FBXL2: variants seen among roughly 807,000 people sequenced by gnomAD.
The protein encoded by FBXL2 is F-box and leucine rich repeat protein 2.
A neutral mutation model predicts 69.2 loss-of-function variants in FBXL2; 38 were observed. That is an observed-to-expected ratio of 0.55 (90% CI 0.42 to 0.72). The LOEUF is 0.72. Ranked by LOEUF, FBXL2 falls within the 30% of genes least tolerant of loss-of-function variation. FBXL2 has a pLI of 0.00. For synonymous variants in FBXL2, 192 were observed against 201.3 expected, an observed-to-expected ratio of 0.95 and a Z score of 0.39; for missense variants, 354 against 520.3, an observed-to-expected ratio of 0.68 and a Z score of 3.11.
chr3:33,300,920 G>A (rs1258313815), intron 2 of FBXL2, among the ~76,000 whole-genome samples: 1 of 151,442 alleles, frequency 6.6e-6, no homozygotes, highest in African/African-American at 2.4e-5. Flanking sequence ...TTTCACCGTG[G>A]TCTCGATCTC....
chr3:33,328,259 CA>C (rs1472897908), intron 2 of FBXL2, among the ~76,000 whole-genome samples: 4 of 152,104 alleles, frequency 2.6e-5, no homozygotes, highest in African/African-American at 9.6e-5. Flanking sequence ...TTAATATTGT[CA>C]AAATGAATAC....
chr3:33,301,954 A>G lies in FBXL2; in HGVS notation c.65+4229A>G, dbSNP rs74557646. ...TAACTCTCTGGGCCTTAATTTGCCCATCTATAAAATGGGAATAGTAATAGT... is the reference window on the plus strand; with the variant it reads ...TAACTCTCTGGGCCTTAATTTGCCCGTCTATAAAATGGGAATAGTAATAGT... On this transcript the variant is annotated intron_variant, in intron 2 of 14. Coordinates refer to ENST00000484457, the MANE Select transcript of FBXL2 (RefSeq NM_012157.5). 1.9e-3 allele frequency among the ~76,000 whole-genome samples: 282 copies of G among 152,300 alleles called. 1 individual carries two copies. The highest frequency in any genetic ancestry group is 6.4e-3 in the African/African-American group (268 of 41,566).
intron 12 of FBXL2, chr3:33,397,248 A>G: frequency 1.5e-6 from 1 of 677,022 alleles, no homozygotes; most frequent in Non-Finnish European, 2.4e-6. Flanking sequence ...GATATCCTGA[A>G]TACACACATA....
At chr3:33,371,780 G>C (rs2042322335) in intron 5 of FBXL2, among the ~76,000 whole-genome samples, 1 of 152,028 alleles carries the variant, frequency 6.6e-6, no homozygotes, top group Non-Finnish European at 1.5e-5. Flanking sequence ...TTTTGTTCTG[G>C]GATACAGTTG....
At chr3:33,285,762 C>G (rs894546554) in intron 1 of FBXL2, among the ~76,000 whole-genome samples, 8 of 152,136 alleles carry the variant, frequency 5.3e-5, no homozygotes, top group African/African-American at 1.9e-4. Flanking sequence ...CTCTAAACTT[C>G]TGTTCTCACT....
chr3:33,338,547 G>A (rs1005956856), intron 2 of FBXL2, among the ~76,000 whole-genome samples: 3 of 152,026 alleles, frequency 2.0e-5, no homozygotes, highest in South Asian at 2.1e-4. Flanking sequence ...CTACAATAAC[G>A]AAAACAGCAT....
At chr3:33,391,562 A>G (rs767928330), downstream of FBXL2, 1 of 152,198 alleles carries the variant, frequency 6.6e-6, no homozygotes, top group Non-Finnish European at 1.5e-5. Flanking sequence ...CTACATATCC[A>G]AAATCAAACT....
At chr3:33,338,197 C>A (rs915872866) in intron 2 of FBXL2, among the ~76,000 whole-genome samples, 1 of 151,962 alleles carries the variant, frequency 6.6e-6, no homozygotes, top group Non-Finnish European at 1.5e-5. Flanking sequence ...AGATCGCTTG[C>A]GATCAGGAGT....
chr3:33,397,667 TAAAC>T (rs1387550470), intron 12 of FBXL2: 2 of 152,180 alleles, frequency 1.3e-5, no homozygotes, highest in Non-Finnish European at 2.9e-5. Context: ...TTTTATAACA[TAAAC>T]AACTCTGTCA....
intron 12 of FBXL2, among the ~76,000 whole-genome samples, chr3:33,398,899 C>G (rs954367923): frequency 1.3e-5 from 2 of 152,192 alleles, no homozygotes; most frequent in Non-Finnish European, 2.9e-5. Flanking sequence ...TAGTTTTTCA[C>G]ACATAAAAGG....
intron 1 of FBXL2, among the ~76,000 whole-genome samples, chr3:33,294,317 G>T (rs553144337): frequency 5.3e-5 from 8 of 151,972 alleles, no homozygotes; most frequent in African/African-American, 1.9e-4. Context: ...GGCTAGCCTT[G>T]AACTCCTGGT....
chr3:33,300,747 T>C (rs374621273), intron 2 of FBXL2, among the ~76,000 whole-genome samples: 8 of 151,362 alleles, frequency 5.3e-5, no homozygotes, highest in South Asian at 4.2e-4. Context: ...CTCGCTCTGT[T>C]GCCCAGGCTG....
intron 4 of FBXL2, among the ~76,000 whole-genome samples, chr3:33,361,233 G>A (rs2041607292): frequency 6.6e-6 from 1 of 151,766 alleles, no homozygotes; most frequent in African/African-American, 2.4e-5. Context: ...GCTGGGTGCA[G>A]TGGCCCACAC....
intron 2 of FBXL2, among the ~76,000 whole-genome samples, chr3:33,319,219 G>A (rs1477298883): frequency 6.6e-6 from 1 of 151,738 alleles, no homozygotes; most frequent in Non-Finnish European, 1.5e-5. Context: ...TTGTGGGAGT[G>A]CCCATGGCAA....
At chr3:33,304,599 A>G (rs901821754) in intron 2 of FBXL2, among the ~76,000 whole-genome samples, 1 of 152,074 alleles carries the variant, frequency 6.6e-6, no homozygotes, top group African/African-American at 2.4e-5. Context: ...CAGTAAGAGC[A>G]GTGCTGCTTT....
intron 12 of FBXL2, among the ~76,000 whole-genome samples, chr3:33,399,834 A>G (rs1450275934): frequency 1.3e-5 from 2 of 151,892 alleles, no homozygotes; most frequent in East Asian, 3.9e-4. Context: ...AGTGAAGAGT[A>G]CACCGAAATA....
intron 2 of FBXL2, among the ~76,000 whole-genome samples, chr3:33,331,067 A>T (rs1393247981): frequency 1.3e-5 from 2 of 151,790 alleles, no homozygotes; most frequent in East Asian, 3.9e-4. Context: ...ACTTTAAATG[A>T]ACTAGCTAAT....
intron 2 of FBXL2, among the ~76,000 whole-genome samples, chr3:33,327,734 T>C (rs2038813178): frequency 6.6e-6 from 1 of 152,138 alleles, no homozygotes; most frequent in Non-Finnish European, 1.5e-5. Context: ...TTGGGACATA[T>C]ACAATCTACA....
At chr3:33,379,038 C>T (rs1398638414) in intron 13 of FBXL2, among the ~76,000 whole-genome samples, 1 of 150,816 alleles carries the variant, frequency 6.6e-6, no homozygotes, top group Non-Finnish European at 1.5e-5. Context: ...AACAGGGTCT[C>T]ACTCTATCGC....
Sources: allele counts gnomAD v4.1 joint callset (sites outside exome capture counted in the v4.1 genomes callset), GRCh38; gene constraint gnomAD v4.1.1; transcripts MANE v1.5; gene names NCBI Gene and HGNC (gene_info 2026-07-23, HGNC 2026-07-21).